Variants in AVIL observed in about 807,000 individuals in gnomAD.
AVIL encodes the protein advillin.
In AVIL, 78 loss-of-function variants were observed where a neutral mutation model predicts 109.9. The ratio of observed to expected loss-of-function variants is 0.71; its 90% CI spans 0.59 to 0.86. The LOEUF (loss-of-function observed/expected upper bound fraction) is 0.86, where lower values mean the gene tolerates loss of function less well. AVIL is among the 40% of genes least tolerant of loss of function. The pLI, the probability that AVIL is intolerant of heterozygous loss-of-function variation, is 0.00. For synonymous variants in AVIL, 367 were observed against 379.1 expected, an observed-to-expected ratio of 0.97 and a Z score of 0.37; for missense variants, 892 against 1,016.5, an observed-to-expected ratio of 0.88 and a Z score of 1.67.
At chr12:57,799,651 T>G (rs1384068456) in intron 19 of AVIL, 144 bp downstream of exon 19, 5 of 1,111,640 alleles carry the variant, frequency 4.5e-6, no homozygotes, top group Non-Finnish European at 6.4e-6. Flanking sequence ...AACCCTGGTT[T>G]TTTTTGGTTT....
At chr12:57,808,972 T>G in intron 9 of AVIL, 1 of 189,546 alleles carries the variant, frequency 5.3e-6, no homozygotes, top group Non-Finnish European at 1.1e-5. Context: ...CACCTTTTAT[T>G]CAGCAGGTAC....
At position 57,809,583 on chromosome 12, in the gene AVIL, T is replaced by A. The variant is rs1192704940; in HGVS notation, c.939+14A>T. On this transcript the variant is annotated intron_variant, in intron 9 of 19. Transcript: ENST00000549994. ...AGAATTATTTGAACAGTATTGCACA[T>A]CTGTAGCTCCTACCAGCGCTTTAGA... The A allele has an allele frequency of 3.7e-6, 6 of 1,613,832 alleles. No homozygotes were observed. The Admixed American group carries it at 1.0e-4, about 27-fold the overall frequency.
chr12:57,809,008 CT>C (rs753681840), intron 9 of AVIL: 3,072 of 153,238 alleles, frequency 0.02, no homozygotes, highest in South Asian at 0.044. Flanking sequence ...GTTCTGAGTG[CT>C]TTTTTTTTTT....
rs547034263 is a variant in AVIL at position 57,810,387 on chromosome 12, G to T, written c.723C>A (p.Ile241=). The change falls in exon 7 of 20, where the codon ATC becomes ATA. Residue 241 remains isoleucine, a synonymous_variant. Coordinates refer to ENST00000549994, the MANE Select transcript of AVIL (RefSeq NM_006576.4). ...TAGTTGATTTCTGCTTCTGATCTAT[G>T]ATCTCATCAGGGACTGTAGGCTTGA... ...SIIKPTVPDE[I]IDQKQKSTIM... is the part of the protein sequence containing the mutation. 11 of 1,614,180 alleles carry T rather than the reference G, an allele frequency of 6.8e-6. No homozygotes were observed. The Admixed American group carries it at 1.0e-4, about 15-fold the overall frequency.
rs61938185 is a variant in AVIL at position 57,807,992 on chromosome 12, G to A, written c.1194+202C>T. 0.069 allele frequency: 54,142 copies of A among 786,904 alleles called. 2,258 individuals are homozygous for A. Among genetic ancestry groups the A allele is most frequent in the Non-Finnish European group, 0.082 (37,890 of 459,814 alleles). The allele number at this position is 786,904 out of a possible 1,614,324, so 48.7% of individuals were successfully genotyped here. On this transcript the variant is annotated intron_variant, in intron 11 of 19. Coordinates refer to ENST00000549994, the MANE Select transcript of AVIL (RefSeq NM_006576.4). Reference sequence around the variant, plus strand: ...TGATTTGAATATATCTTCCAGGTGAGATATTGATAGCACATTTGAGGATGT... The same window carrying A: ...TGATTTGAATATATCTTCCAGGTGAAATATTGATAGCACATTTGAGGATGT...
chr12:57,813,250 A>T lies in AVIL; in HGVS notation c.315T>A (p.Arg105=). 1 of 1,611,730 alleles carries T rather than the reference A, an allele frequency of 6.2e-7. No homozygotes were observed. Among genetic ancestry groups the T allele is most frequent in the Non-Finnish European group, 8.5e-7 (1 of 1,179,118 alleles). Residue 105 remains arginine, a synonymous_variant, in exon 4 of 20, where the codon CGT becomes CGA. Coordinates refer to ENST00000549994, the MANE Select transcript of AVIL (RefSeq NM_006576.4). ...ACATGATGCCCTGCTTGAAGTAGCC[A>T]CGGAAAGTGTCTGACTCATGGTACT... ...EVQYHESDTF[R]GYFKQGIIYK...
At chr12:57,814,429 C>G (rs961033485) in intron 2 of AVIL, 9 of 572,896 alleles carry the variant, frequency 1.6e-5, no homozygotes, top group Non-Finnish European at 2.8e-5. Flanking sequence ...TTGCATCACC[C>G]CGGATCTGAA....
chr12:57,809,566 T>G (rs773299666), intron 9 of AVIL, 31 bp downstream of exon 9: 1 of 1,610,688 alleles, frequency 6.2e-7, no homozygotes, highest in Admixed American at 1.7e-5. Flanking sequence ...GCAGAATTAT[T>G]TGAACAGTAT....
Position 57,801,209 on chromosome 12 carries a change from C to T in AVIL, c.2155G>A (p.Gly719Arg), listed in dbSNP as rs1270253096. The change falls in exon 18 of 20, where the codon GGA becomes AGA. Residue 719 changes from glycine (G) to arginine (R), a missense_variant. By Grantham distance (125) the Gly-to-Arg change is moderately radical. Transcript: ENST00000549994. ...TCTTTTAATTGTTCATATGTTTTTC[C>T]TGCCTGAGAAGAAGAGAGAGAAAAC... is the stretch of plus-strand genomic sequence containing the variant. Reference protein sequence around the residue: ...LAWDPNIWSAGKTYEQLKEEL... With the variant: ...LAWDPNIWSARKTYEQLKEEL... 6.2e-7 allele frequency: 1 copy of T among 1,612,942 alleles called. No homozygotes were observed. Among genetic ancestry groups the T allele is most frequent in the Non-Finnish European group, 8.5e-7 (1 of 1,179,486 alleles).
rs1955947708 is a variant in AVIL, at chr12:57,806,438, T to G, written c.1593A>C (p.Pro531=). The G allele has an allele frequency of 6.2e-7, 1 of 1,614,040 alleles. No homozygotes were observed. The highest frequency in any genetic ancestry group is 1.3e-5 in the African/African-American group (1 of 74,926). ...TGGAGTTTAGGGAGGAGGCAAAGGC[T>G]GGAACTTCCACTGCTTTGGTGTTAG... is the stretch of plus-strand genomic sequence containing the variant. ...DKSNTKAVEV[P]AFASSLNSND... Residue 531 remains proline (P), a synonymous_variant, in exon 14 of 20, where the codon CCA becomes CCC. Transcript: ENST00000549994.
chr12:57,805,448 A>G (rs1393397285), intron 14 of AVIL, among the ~76,000 whole-genome samples: 2 of 152,002 alleles, frequency 1.3e-5, no homozygotes, highest in East Asian at 1.9e-4. Context: ...GAGTCCACCA[A>G]ATTCACATGG....
chr12:57,807,802 C>G lies in AVIL; in HGVS notation c.1195-75G>C, dbSNP rs1955973937. 2.5e-6 allele frequency: 4 copies of G among 1,593,512 alleles called. 1 individual carries two copies. The South Asian group carries it at 4.4e-5, about 18-fold the overall frequency. ...GGCTAGGCCACACTAAAGAGAGAATCCAGGTGGGAAAGGTGCTGACGTTTA... is the reference window on the plus strand; with the variant it reads ...GGCTAGGCCACACTAAAGAGAGAATGCAGGTGGGAAAGGTGCTGACGTTTA... On this transcript the variant is annotated intron_variant, in intron 11 of 19. Coordinates refer to ENST00000549994, the MANE Select transcript of AVIL (RefSeq NM_006576.4).
intron 2 of AVIL, chr12:57,814,457 C>T: frequency 1.9e-6 from 1 of 525,808 alleles, no homozygotes; most frequent in South Asian, 2.2e-5. Flanking sequence ...CCCTATCCTG[C>T]TTTCCCTTGC....
Position 57,811,267 on chromosome 12 carries a change from G to T in AVIL, c.339-140C>A, listed in dbSNP as rs563271183. The T allele has an allele frequency of 1.3e-5, 10 of 756,654 alleles. No homozygotes were observed. In the East Asian group the frequency reaches 2.6e-4, roughly 20 times the overall value. The allele number at this position is 756,654 out of a possible 1,614,324, so 46.9% of individuals were successfully genotyped here. ...GTAAATACAGATGGTGGCAGCTGCTGCCCCACAAGTAGACTGGGTGAGTGA... is the reference window on the plus strand; with the variant it reads ...GTAAATACAGATGGTGGCAGCTGCTTCCCCACAAGTAGACTGGGTGAGTGA... On this transcript the variant is annotated intron_variant, in intron 4 of 19. Coordinates refer to ENST00000549994, the MANE Select transcript of AVIL (RefSeq NM_006576.4).
intron 16 of AVIL, 80 bp downstream of exon 16, chr12:57,803,167 C>A: frequency 1.3e-6 from 2 of 1,561,686 alleles, no homozygotes; most frequent in South Asian, 1.1e-5. Context: ...TGGGTTTATT[C>A]TAGGGTGGGG....
intron 14 of AVIL, among the ~76,000 whole-genome samples, chr12:57,804,720 A>C (rs906951707): frequency 6.6e-5 from 10 of 152,122 alleles, no homozygotes; most frequent in Non-Finnish European, 1.0e-4. Context: ...GAGGCAGGAG[A>C]ATCACTTGAA....
chr12:57,817,801 TC>T (rs1357417380), intron 1 of AVIL, among the ~76,000 whole-genome samples: 1 of 152,168 alleles, frequency 6.6e-6, no homozygotes, highest in Non-Finnish European at 1.5e-5. Flanking sequence ...GGAAGGGACT[TC>T]CTGTCACACT....
chr12:57,797,977 C>A lies in AVIL; in HGVS notation c.2365G>T (p.Asp789Tyr). 1 of 1,611,370 alleles carries A rather than the reference C, an allele frequency of 6.2e-7. No homozygotes were observed. Among genetic ancestry groups the A allele is most frequent in the Non-Finnish European group, 8.5e-7 (1 of 1,178,536 alleles). Reference sequence around the variant, plus strand: ...GTGATGCCAAACACAGACACAAAGTCCTGTTCAGAGAGGTAATTCTAAGAG... The same window carrying A: ...GTGATGCCAAACACAGACACAAAGTACTGTTCAGAGAGGTAATTCTAAGAG... ...AKKENYLSEQ[D>Y]FVSVFGITRG... The change falls in exon 20 of 20, where the codon GAC becomes TAC. Residue 789 changes from aspartate (D) to tyrosine (Y), a missense_variant. Transcript: ENST00000549994.
chr12:57,802,569 A>G (rs1955872231), intron 16 of AVIL: 1 of 722,842 alleles, frequency 1.4e-6, no homozygotes, highest in African/African-American at 1.7e-5. Flanking sequence ...GCCTTTCCAA[A>G]TTGGAGCTGT....
Sources: gnomAD v4.1 joint callset for allele counts (sites outside exome capture counted in the v4.1 genomes callset) on GRCh38, gnomAD v4.1.1 for gene constraint, MANE v1.5 for transcripts, NCBI Gene and HGNC (gene_info 2026-07-23, HGNC 2026-07-21) for gene names.